PATJ: variants seen among roughly 807,000 people sequenced by gnomAD.
The protein encoded by PATJ is inaD-like protein.
Under a neutral mutation model 224.9 loss-of-function variants are expected in PATJ, and 190 were observed. The observed-to-expected ratio is 0.84, with a 90% CI of 0.75 to 0.95. The LOEUF is 0.95. PATJ is among the 40% of genes least tolerant of loss of function. PATJ has a pLI of 0.00. For synonymous variants in PATJ, 769 were observed against 820.3 expected (o/e 0.94, Z 1.07); for missense variants, 2,121 against 2,270.3 (o/e 0.93, Z 1.34).
Position 62,074,565 on chromosome 1 carries a change from T to A in PATJ, c.4126-4885T>A, listed in dbSNP as rs927914884. On this transcript the variant is annotated intron_variant, in intron 31 of 43. Coordinates refer to ENST00000642238, the MANE Select transcript of PATJ (RefSeq NM_001350145.3). ...CCTCGCACCTCAGCCTCCCAAAATGTTGGGATTATAGTTGTGAGCTACTGC... is the reference window on the plus strand; with the variant it reads ...CCTCGCACCTCAGCCTCCCAAAATGATGGGATTATAGTTGTGAGCTACTGC... Among the ~76,000 whole-genome samples the A allele has an allele frequency of 2.5e-4, 38 of 152,130 alleles. 1 individual carries two copies. The highest frequency in any genetic ancestry group is 4.4e-5 in the Non-Finnish European group (3 of 68,034).
chr1:62,057,013 G>A (rs1654663056), intron 31 of PATJ, among the ~76,000 whole-genome samples: 1 of 152,080 alleles, frequency 6.6e-6, no homozygotes, highest in African/African-American at 2.4e-5. Context: ...TTTTAGTTGA[G>A]ACAGGGTTTC....
intron 29 of PATJ, among the ~76,000 whole-genome samples, chr1:62,022,818 T>C (rs140404793): frequency 0.012 from 1,809 of 152,324 alleles, 30 homozygotes; most frequent in South Asian, 0.059. Flanking sequence ...GGACTCACCA[T>C]GGGCTCCACC....
intron 27 of PATJ, among the ~76,000 whole-genome samples, chr1:61,985,081 T>C (rs969056630): frequency 5.9e-5 from 9 of 151,966 alleles, no homozygotes; most frequent in African/African-American, 1.9e-4. Flanking sequence ...TGGGAGGCCG[T>C]TGTGGGCGGA....
At chr1:62,021,671 T>G (rs1391245107) in intron 29 of PATJ, among the ~76,000 whole-genome samples, 3 of 152,186 alleles carry the variant, frequency 2.0e-5, no homozygotes, top group African/African-American at 7.2e-5. Flanking sequence ...CCAAATTAGC[T>G]AAGTTTTTTT....
chr1:61,814,285 A>G (rs1655582881), intron 14 of PATJ, among the ~76,000 whole-genome samples: 1 of 151,928 alleles, frequency 6.6e-6, no homozygotes, highest in Admixed American at 6.6e-5. Flanking sequence ...CTGGGATTAC[A>G]GGCACCTGCT....
rs557464862 is a variant in PATJ at position 62,161,331 on chromosome 1, CTTTTTTTT to C, written c.*295_*302del. 31 of 92,908 alleles carry C rather than the reference CTTTTTTTT, an allele frequency of 3.3e-4. No individual in the cohort carries two copies. Among genetic ancestry groups the C allele is most frequent in the East Asian group, 2.0e-3 (6 of 2,976 alleles). 5.8% of individuals were successfully genotyped at this position (92,908 alleles called of 1,614,324 possible). ...GCATTTAATTTCAGTGTTCCGATTTCTTTTTTTTTTTTTTTTTTTTTTTTTGAGACGGA... is the reference window on the plus strand; with the variant it reads ...GCATTTAATTTCAGTGTTCCGATTTCTTTTTTTTTTTTTTTTTGAGACGGA... On this transcript the variant is annotated 3_prime_UTR_variant, in exon 44 of 44. Coordinates refer to ENST00000642238, the MANE Select transcript of PATJ (RefSeq NM_001350145.3).
Position 62,128,203 on chromosome 1 carries a change from C to T in PATJ, c.5166+109C>T, listed in dbSNP as rs1220004932. 4 of 1,312,032 alleles carry T rather than the reference C, an allele frequency of 3.0e-6. No homozygotes were observed. The South Asian group carries it at 4.0e-5, about 13-fold the overall frequency. The allele number at this position is 1,312,032 out of a possible 1,614,324, so 81.3% of individuals were successfully genotyped here. A position where few individuals can be genotyped will look rare whatever the true frequency, so the allele number is the denominator to read the frequency against. ...TTGGAATTCCAGTAGCCATCAGAGA[C>T]CCAGGCTGAGGGCAAGATGCATTAG... On this transcript the variant is annotated intron_variant, in intron 40 of 43. Transcript: ENST00000642238.
At chr1:61,772,111 T>G (rs1407020072) in intron 6 of PATJ, among the ~76,000 whole-genome samples, 1 of 151,290 alleles carries the variant, frequency 6.6e-6, no homozygotes, top group African/African-American at 2.4e-5. Context: ...CGGTCGTTTT[T>G]TTTTTTTTTT....
intron 17 of PATJ, among the ~76,000 whole-genome samples, chr1:61,843,190 A>G (rs1275183274): frequency 6.6e-6 from 1 of 152,174 alleles, no homozygotes; most frequent in African/African-American, 2.4e-5. Context: ...CTAGGGCTCA[A>G]GTTTCCCTTT....
intron 29 of PATJ, among the ~76,000 whole-genome samples, chr1:62,023,259 C>T (rs1365170017): frequency 6.7e-6 from 1 of 148,214 alleles, no homozygotes; most frequent in East Asian, 2.0e-4. Context: ...CATTGCACTT[C>T]AGCCTGGGCA....
At chr1:61,991,307 A>G (rs1043340382) in intron 28 of PATJ, among the ~76,000 whole-genome samples, 4 of 152,178 alleles carry the variant, frequency 2.6e-5, no homozygotes. Flanking sequence ...TTAGGATTCA[A>G]TGGCAGGCAG....
intron 28 of PATJ, among the ~76,000 whole-genome samples, chr1:62,006,355 A>G (rs1370253599): frequency 6.6e-6 from 1 of 152,196 alleles, no homozygotes; most frequent in Non-Finnish European, 1.5e-5. Context: ...AGCTCAGGCA[A>G]TCCACCCGCC....
Position 62,139,544 on chromosome 1 carries a change from G to A in PATJ, c.5272-8740G>A, listed in dbSNP as rs767454752. 2.6e-5 allele frequency among the ~76,000 whole-genome samples: 4 copies of A among 152,164 alleles called. No homozygotes were observed. In the East Asian group the frequency reaches 5.8e-4, roughly 22 times the overall value. ...GATGGTGGAAGAGCTCTTCAGTGGC[G>A]GGGCTGAGCCAGCTCACAGACCATA... On this transcript the variant is annotated intron_variant, in intron 41 of 43. Transcript: ENST00000642238.
At chr1:61,768,984 A>T (rs1363046592) in intron 4 of PATJ, among the ~76,000 whole-genome samples, 1 of 152,240 alleles carries the variant, frequency 6.6e-6, no homozygotes, top group Non-Finnish European at 1.5e-5. Context: ...AGAATTTACT[A>T]TGGGAAAAGG....
intron 27 of PATJ, among the ~76,000 whole-genome samples, chr1:61,981,229 A>C (rs1344091510): frequency 6.6e-6 from 1 of 151,938 alleles, no homozygotes; most frequent in Non-Finnish European, 1.5e-5. Flanking sequence ...AAATGAGTGC[A>C]CTGCATGAGA....
At chr1:61,995,393 T>G (rs762119847) in intron 28 of PATJ, among the ~76,000 whole-genome samples, 21 of 152,222 alleles carry the variant, frequency 1.4e-4, no homozygotes, top group Non-Finnish European at 2.6e-4. Context: ...TTTAGTTATA[T>G]TTGATCTTAA....
At chr1:62,138,950 A>AT (rs1667217507) in intron 41 of PATJ, among the ~76,000 whole-genome samples, 1 of 151,982 alleles carries the variant, frequency 6.6e-6, no homozygotes, top group Non-Finnish European at 1.5e-5. Flanking sequence ...TCTGACCTGC[A>AT]TGTATTCATA....
chr1:61,974,174 C>T (rs1207559967), intron 27 of PATJ, among the ~76,000 whole-genome samples: 2 of 151,862 alleles, frequency 1.3e-5, no homozygotes, highest in Non-Finnish European at 2.9e-5. Context: ...CTTCAAAGGA[C>T]ATGTCGAGCA....
chr1:61,750,203 A>G lies in PATJ; in HGVS notation c.-36+7648A>G, dbSNP rs528947910. Among the ~76,000 whole-genome samples the G allele has an allele frequency of 8.5e-4, 129 of 152,318 alleles. 1 individual carries two copies. The highest frequency in any genetic ancestry group is 3.0e-3 in the African/African-American group (125 of 41,572). The stretch of plus-strand genomic sequence containing the variant: ...CTGTGAGATGAACATTCTCTAATGT[A>G]GGTTGTACTCTTAGAACCAAAGCAG... On this transcript the variant is annotated intron_variant, in intron 1 of 43. Coordinates refer to ENST00000642238, the MANE Select transcript of PATJ (RefSeq NM_001350145.3).
Sources: gnomAD v4.1 joint callset for allele counts (sites outside exome capture counted in the v4.1 genomes callset) on GRCh38, gnomAD v4.1.1 for gene constraint, MANE v1.5 for transcripts, NCBI Gene and HGNC (gene_info 2026-07-23, HGNC 2026-07-21) for gene names.